ABLIM1: variants seen among roughly 807,000 people sequenced by gnomAD.
The protein encoded by ABLIM1 is actin binding LIM protein 1, also known as actin-binding LIM protein 1.
ABLIM1 carries 40 observed loss-of-function variants against 107.0 expected under a neutral mutation model. The ratio of observed to expected loss-of-function variants is 0.37; its 90% confidence interval spans 0.29 to 0.49. ABLIM1 has a LOEUF of 0.49. Among genes scored for constraint, ABLIM1 ranks in the 20% least tolerant of loss-of-function variants. The pLI is 0.97. For synonymous variants in ABLIM1, 357 were observed against 357.3 expected (o/e 1.00, Z 0.01); for missense variants, 857 against 1,008.5 (o/e 0.85, Z 2.04).
chr10:114,553,022 C>T (rs1171147038), intron 4 of ABLIM1, among the ~76,000 whole-genome samples: 1 of 152,160 alleles, frequency 6.6e-6, no homozygotes, highest in Non-Finnish European at 1.5e-5. Context: ...AGAGAGAAGT[C>T]ATCTCCTGGG....
intron 12 of ABLIM1, among the ~76,000 whole-genome samples, chr10:114,457,934 T>G: frequency 6.6e-6 from 1 of 152,050 alleles, no homozygotes; most frequent in East Asian, 1.9e-4. Flanking sequence ...TAGCCAGGTG[T>G]TGGTGGCAGG....
chr10:114,796,903 T>C, the ABLIM1 span, among the ~76,000 whole-genome samples: 3 of 152,322 alleles, frequency 2.0e-5, no homozygotes, highest in South Asian at 4.1e-4. Flanking sequence ...TCTTACGACC[T>C]GCATATCCTC....
At chr10:114,576,020 G>A (rs1352984213) in intron 2 of ABLIM1, among the ~76,000 whole-genome samples, 3 of 152,098 alleles carry the variant, frequency 2.0e-5, no homozygotes, top group Non-Finnish European at 4.4e-5. Flanking sequence ...TTATACCAAA[G>A]GCAGTAGCTG....
At chr10:114,488,127 G>A in intron 7 of ABLIM1, 111 bp from the exon 8 acceptor site, 1 of 1,152,524 alleles carries the variant, frequency 8.7e-7, no homozygotes, top group Non-Finnish European at 1.3e-6. Context: ...TCATAGGAAG[G>A]TGTTATTGCT....
At chr10:114,615,558 A>G (rs1253662846) in intron 1 of ABLIM1, 3 of 469,640 alleles carry the variant, frequency 6.4e-6, no homozygotes, top group Non-Finnish European at 1.3e-5. Context: ...GGTAACTGCC[A>G]TTGTATTACC....
intron 11 of ABLIM1, 53 bp downstream of exon 11, chr10:114,468,128 C>A: frequency 6.6e-7 from 1 of 1,514,756 alleles, no homozygotes; most frequent in Non-Finnish European, 9.2e-7. Flanking sequence ...AGGGAAGGGC[C>A]AAGCAATTCT....
At chr10:114,525,621 G>A (rs2064581694) in intron 6 of ABLIM1, among the ~76,000 whole-genome samples, 1 of 152,170 alleles carries the variant, frequency 6.6e-6, no homozygotes, top group East Asian at 1.9e-4. Context: ...TTTATAGAAT[G>A]GCAACAATTA....
chr10:114,440,101 AG>A lies in ABLIM1; in HGVS notation c.2060-13del. ...CCATACCTGGTAATCTGAAAAGGAAAGGAAAAGAAAATATCATAAGGGAAAG... is the reference window on the plus strand; with the variant it reads ...CCATACCTGGTAATCTGAAAAGGAAAGAAAAGAAAATATCATAAGGGAAAG... On this transcript the variant is annotated splice_polypyrimidine_tract_variant and intron_variant, in intron 19 of 22. Transcript: ENST00000533213. The A allele has an allele frequency of 6.2e-7, 1 of 1,611,132 alleles. No individual in the cohort carries two copies. The highest frequency in any genetic ancestry group is 1.1e-5 in the South Asian group (1 of 91,016).
exon 1 of ABLIM1, chr10:114,684,502 G>A (rs2080880904): frequency 1.4e-6 from 2 of 1,429,064 alleles, no homozygotes; most frequent in Non-Finnish European, 1.8e-6. Flanking sequence ...TGTGCCACCG[G>A]TGGGTGTGCC....
chr10:114,484,121 C>T (rs2057813523), intron 8 of ABLIM1, among the ~76,000 whole-genome samples: 1 of 152,088 alleles, frequency 6.6e-6, no homozygotes, highest in Non-Finnish European at 1.5e-5. Flanking sequence ...TCTCACTGTC[C>T]CCTTGCAGTA....
At position 114,735,145 on chromosome 10, in the gene ABLIM1, T is replaced by G. The variant is rs7910860; in HGVS notation, c.-213+32916A>C. 8.0e-3 allele frequency among the ~76,000 whole-genome samples: 1,215 copies of G among 152,242 alleles called. 15 individuals carry two copies. The highest frequency in any genetic ancestry group is 0.027 in the African/African-American group (1,125 of 41,532). On this transcript the variant is annotated intron_variant, in intron 1 of 15. Transcript: ENST00000651092. ...TCCCTGACCTCAAGAAGTCCCCAGTTGAGTAGGCTAGCACAAGCCCCTGAT... is the reference window on the plus strand; with the variant it reads ...TCCCTGACCTCAAGAAGTCCCCAGTGGAGTAGGCTAGCACAAGCCCCTGAT...
chr10:114,486,982 G>T (rs1025009724), intron 8 of ABLIM1, among the ~76,000 whole-genome samples: 1 of 152,286 alleles, frequency 6.6e-6, no homozygotes, highest in African/African-American at 2.4e-5. Context: ...CAGGCAAAGG[G>T]ATCTGAAAAA....
upstream of ABLIM1, among the ~76,000 whole-genome samples, chr10:114,689,978 C>T (rs1239905059): frequency 6.6e-6 from 1 of 152,160 alleles, no homozygotes; most frequent in African/African-American, 2.4e-5. Context: ...CTTAACTCAA[C>T]TCTTCAATTC....
At chr10:114,527,050 T>G in intron 6 of ABLIM1, 1 of 852,142 alleles carries the variant, frequency 1.2e-6, no homozygotes, top group Non-Finnish European at 1.4e-6. Context: ...ACCATTTCTT[T>G]GCATTCACTC....
At chr10:114,731,936 T>C (rs1161643200) in intron 1 of ABLIM1, among the ~76,000 whole-genome samples, 1 of 152,168 alleles carries the variant, frequency 6.6e-6, no homozygotes, top group Admixed American at 6.5e-5. Context: ...CTCTTGGTTA[T>C]ACAGCTTGGA....
At chr10:114,613,757 C>T (rs930473933) in intron 1 of ABLIM1, 3 of 1,302,950 alleles carry the variant, frequency 2.3e-6, no homozygotes, top group Non-Finnish European at 3.0e-6. Flanking sequence ...GAATGCTACA[C>T]ATTCTAGAAC....
intron 18 of ABLIM1, 77 bp downstream of exon 18, chr10:114,441,645 C>T: frequency 7.5e-7 from 1 of 1,339,466 alleles, no homozygotes; most frequent in Non-Finnish European, 1.1e-6. Context: ...CAGACGTATT[C>T]AGGCAATGTG....
At chr10:114,477,484 C>T (rs2056638703) in intron 8 of ABLIM1, among the ~76,000 whole-genome samples, 1 of 152,140 alleles carries the variant, frequency 6.6e-6, no homozygotes, top group African/African-American at 2.4e-5. Context: ...TGTTACTCAT[C>T]CTTATTTTTG....
chr10:114,489,721 G>C (rs916235115), intron 7 of ABLIM1, among the ~76,000 whole-genome samples: 1 of 152,116 alleles, frequency 6.6e-6, no homozygotes, highest in African/African-American at 2.4e-5. Flanking sequence ...GCGCACAATG[G>C]CACTATTGTT....
Sources: allele counts gnomAD v4.1 joint callset (sites outside exome capture counted in the v4.1 genomes callset), GRCh38; gene constraint gnomAD v4.1.1; transcripts MANE v1.5; gene names NCBI Gene and HGNC (gene_info 2026-07-23, HGNC 2026-07-21).